Variants in SLC25A27 observed in about 807,000 individuals in gnomAD.
The protein encoded by SLC25A27 is mitochondrial uncoupling protein 4.
Under a neutral mutation model 49.1 loss-of-function variants are expected in SLC25A27, and 35 were observed. The ratio of observed to expected loss-of-function variants is 0.71; its 90% CI spans 0.54 to 0.95. The LOEUF is 0.95. Ranked by LOEUF, SLC25A27 falls within the 40% of genes least tolerant of loss-of-function variation. The pLI, the probability that SLC25A27 is intolerant of heterozygous loss-of-function variation, is 0.00. For missense variants in SLC25A27, 339 were observed against 397.1 expected (o/e 0.85, Z 1.24); for synonymous variants, 144 against 136.9 (o/e 1.05, Z -0.36).
At chr6:46,671,434 A>C (rs1763536835) in intron 8 of SLC25A27, among the ~76,000 whole-genome samples, 1 of 152,098 alleles carries the variant, frequency 6.6e-6, no homozygotes, top group Non-Finnish European at 1.5e-5. Context: ...AGGTAAAATA[A>C]GTTACATCCA....
At chr6:46,664,705 A>C in intron 4 of SLC25A27, 69 bp from the exon 5 acceptor site, 1 of 729,614 alleles carries the variant, frequency 1.4e-6, no homozygotes, top group East Asian at 2.8e-5. Flanking sequence ...CTATAAGTGA[A>C]GCTTATCCAG....
At chr6:46,667,911 A>G (rs1351218580) in intron 5 of SLC25A27, among the ~76,000 whole-genome samples, 1 of 152,192 alleles carries the variant, frequency 6.6e-6, no homozygotes, top group African/African-American at 2.4e-5. Context: ...CCCCAATGTG[A>G]TCAAATGTAC....
chr6:46,654,144 A>T, intron 1 of SLC25A27: 8 of 984,620 alleles, frequency 8.1e-6, no homozygotes, highest in Non-Finnish European at 9.6e-6. Flanking sequence ...TTTTGTGAGT[A>T]GTATACTCAT....
At chr6:46,665,932 A>C (rs1326081425) in intron 5 of SLC25A27, among the ~76,000 whole-genome samples, 2 of 152,204 alleles carry the variant, frequency 1.3e-5, no homozygotes, top group Non-Finnish European at 2.9e-5. Flanking sequence ...CACAAAATAA[A>C]GTGGAAATTT....
At chr6:46,658,900 C>T (rs745668725) in intron 2 of SLC25A27, 62 bp from the exon 3 acceptor site, 2 of 1,081,458 alleles carry the variant, frequency 1.8e-6, no homozygotes, top group Non-Finnish European at 1.4e-6. Flanking sequence ...TTATTTTATA[C>T]ATACATAAGC....
intron 8 of SLC25A27, among the ~76,000 whole-genome samples, chr6:46,671,674 T>C (rs1172050947): frequency 6.6e-6 from 1 of 152,064 alleles, no homozygotes; most frequent in Non-Finnish European, 1.5e-5. Context: ...AAACTCTGCT[T>C]AGTAAGAAAA....
At chr6:46,669,057 G>C (rs747170134) in intron 6 of SLC25A27, among the ~76,000 whole-genome samples, 5 of 152,176 alleles carry the variant, frequency 3.3e-5, no homozygotes, top group Non-Finnish European at 7.3e-5. Flanking sequence ...TATGATGATG[G>C]ACTCTCCAAC....
At chr6:46,662,705 T>C (rs1303564630) in intron 4 of SLC25A27, among the ~76,000 whole-genome samples, 1 of 152,188 alleles carries the variant, frequency 6.6e-6, no homozygotes, top group Non-Finnish European at 1.5e-5. Flanking sequence ...AAATTATATA[T>C]GTGTAATGTT....
rs773585919 is a variant in SLC25A27 at position 46,655,535 on chromosome 6, GTTTTTTTTTTTTTTTTTTTTTTT to G, written c.107-292_107-270del. Among the ~76,000 whole-genome samples the G allele has an allele frequency of 9.3e-4, 10 of 10,742 alleles. No homozygotes were observed. In the East Asian group the frequency reaches 0.027, roughly 29 times the overall value. 7.0% of individuals were successfully genotyped at this position (10,742 alleles called of 152,430 possible). ...ATTTTAATTTTTATTGTTAATGTTT[GTTTTTTTTTTTTTTTTTTTTTTT>G]TTTTTTTTTTTTTTTGCTAGTGATC... is the stretch of plus-strand genomic sequence containing the variant. On this transcript the variant is annotated intron_variant, in intron 1 of 8. Transcript: ENST00000371347.
intron 3 of SLC25A27, among the ~76,000 whole-genome samples, chr6:46,659,940 C>T (rs1763110764): frequency 6.6e-6 from 1 of 151,540 alleles, no homozygotes; most frequent in Admixed American, 6.6e-5. Context: ...TGGACCACTG[C>T]CATCTAACTC....
rs1446864918 is a variant in SLC25A27 at position 46,678,050 on chromosome 6, A to ATATATATG, written c.*1603_*1604insGTATATAT. The ATATATATG allele has an allele frequency of 1.5e-5, 1 of 67,224 alleles. No homozygotes were observed. The highest frequency in any genetic ancestry group is 3.1e-5 in the Non-Finnish European group (1 of 32,110). The allele number at this position is 67,224 out of a possible 1,614,324, so 4.2% of individuals were successfully genotyped here. A position where few individuals can be genotyped will look rare whatever the true frequency, so the allele number is the denominator to read the frequency against. Reference sequence around the variant, plus strand: ...AAATATTATATATATATATATATATATATATATATATATATGCTTAACTTC... The same window carrying ATATATATG: ...AAATATTATATATATATATATATATATATATATGTATATATATATATATGCTTAACTTC... On this transcript the variant is annotated 3_prime_UTR_variant, in exon 9 of 9. Coordinates refer to ENST00000371347, the MANE Select transcript of SLC25A27 (RefSeq NM_004277.5).
At position 46,676,411 on chromosome 6, in the gene SLC25A27, C is replaced by A. The variant is rs747749538; in HGVS notation, c.929C>A (p.Thr310Asn). Residue 310 changes from threonine (T) to asparagine (N), a missense_variant, in exon 9 of 9, where the codon ACT becomes AAT. Physicochemically the swap from Thr to Asn is moderately conservative, Grantham distance 65. Transcript: ENST00000371347. ...CCTTGGTCAATGGTGTTCTGGCTTA[C>A]TTATGAAAAAATCAGAGAGATGAGT... ...MTPWSMVFWLTYEKIREMSGV... is the reference protein window; with the variant it reads ...MTPWSMVFWLNYEKIREMSGV... 3 of 1,613,946 alleles carry A rather than the reference C, an allele frequency of 1.9e-6. No individual in the cohort carries two copies. The highest frequency in any genetic ancestry group is 2.5e-6 in the Non-Finnish European group (3 of 1,179,896).
intron 3 of SLC25A27, among the ~76,000 whole-genome samples, chr6:46,659,779 C>G (rs1041109307): frequency 2.6e-5 from 4 of 151,768 alleles, no homozygotes; most frequent in Non-Finnish European, 5.9e-5. Flanking sequence ...CGCTTGAACC[C>G]AGGAGGTGGA....
Position 46,678,030 on chromosome 6 carries a change from T to TTATTTATA in SLC25A27, c.*1579_*1580insTTATATAT, listed in dbSNP as rs1763860944. On this transcript the variant is annotated 3_prime_UTR_variant, in exon 9 of 9. Transcript: ENST00000371347. Reference sequence around the variant, plus strand: ...CAATATGTAATTGCGTTGTAAAATATTATATATATATATATATATATATAT... The same window carrying TTATTTATA: ...CAATATGTAATTGCGTTGTAAAATATTATTTATATATATATATATATATATATATATAT... 1 of 100,630 alleles carries TTATTTATA rather than the reference T, an allele frequency of 9.9e-6. No homozygotes were observed. Among genetic ancestry groups the TTATTTATA allele is most frequent in the Non-Finnish European group, 2.1e-5 (1 of 48,604 alleles). 6.2% of individuals were successfully genotyped at this position (100,630 alleles called of 1,614,324 possible).
intron 4 of SLC25A27, among the ~76,000 whole-genome samples, chr6:46,663,906 C>T (rs1763243334): frequency 6.6e-6 from 1 of 152,156 alleles, no homozygotes; most frequent in African/African-American, 2.4e-5. Flanking sequence ...ACAGAATTTT[C>T]AGTATTAACA....
Position 46,677,782 on chromosome 6 carries a change from T to A in SLC25A27, c.*1328T>A, listed in dbSNP as rs938105619. On this transcript the variant is annotated 3_prime_UTR_variant, in exon 9 of 9. Coordinates refer to ENST00000371347, the MANE Select transcript of SLC25A27 (RefSeq NM_004277.5). ...GCCTTGGAGCCAGCCAAACAGAATT[T>A]GTTCTAATGGACATGGATGATGTTG... 2 of 152,578 alleles carry A rather than the reference T, an allele frequency of 1.3e-5. No homozygotes were observed. Among genetic ancestry groups the A allele is most frequent in the African/African-American group, 4.8e-5 (2 of 41,442 alleles). 9.5% of individuals were successfully genotyped at this position (152,578 alleles called of 1,614,324 possible).
In SLC25A27 at chr6:46,662,386, A is replaced by T. The variant is rs750020901; in HGVS notation, c.394A>T (p.Ile132Phe). The T allele has an allele frequency of 6.2e-7, 1 of 1,613,800 alleles. No homozygotes were observed. The highest frequency in any genetic ancestry group is 2.2e-5 in the East Asian group (1 of 44,864). ...TCCTTCTGCAATTAGGAAATCAGTC[A>T]TTGGAGGGATGATGGCTGGTGTTAT... ...DEHYPLWKSV[I>F]GGMMAGVIGQ... Residue 132 changes from isoleucine (I) to phenylalanine (F), a missense_variant, in exon 4 of 9, where the codon ATT becomes TTT. By Grantham distance (21) the Ile-to-Phe change is conservative. Coordinates refer to ENST00000371347, the MANE Select transcript of SLC25A27 (RefSeq NM_004277.5).
intron 1 of SLC25A27, chr6:46,654,050 A>G: frequency 1.1e-6 from 1 of 896,026 alleles, no homozygotes. Flanking sequence ...ACATCTGCCT[A>G]CATGAGTAAG....
chr6:46,671,444 A>G (rs868330298), intron 8 of SLC25A27, among the ~76,000 whole-genome samples: 2 of 152,018 alleles, frequency 1.3e-5, no homozygotes, highest in Non-Finnish European at 2.9e-5. Flanking sequence ...AGTTACATCC[A>G]TTGACGAATA....
Sources: allele counts gnomAD v4.1 joint callset (sites outside exome capture counted in the v4.1 genomes callset), GRCh38; gene constraint gnomAD v4.1.1; transcripts MANE v1.5; gene names NCBI Gene and HGNC (gene_info 2026-07-23, HGNC 2026-07-21).